HS3ST3A1: variants seen among roughly 807,000 people sequenced by gnomAD.
HS3ST3A1 encodes the protein heparan sulfate-glucosamine 3-sulfotransferase 3A1, also known as heparan sulfate glucosamine 3-O-sulfotransferase 3A1.
Under a neutral mutation model 25.7 loss-of-function variants are expected in HS3ST3A1, and 19 were observed. That is an observed-to-expected ratio of 0.74 (90% CI 0.52 to 1.08). The LOEUF (loss-of-function observed/expected upper bound fraction) is 1.08. Among genes scored for constraint, HS3ST3A1 ranks in the 50% least tolerant of loss-of-function variants. The probability of loss-of-function intolerance (pLI) is 0.00; values close to 1 mark genes in which losing one functional copy is unlikely to be tolerated. For missense variants in HS3ST3A1, 459 were observed against 594.3 expected (o/e 0.77, Z 2.37); for synonymous variants, 226 against 278.6 (o/e 0.81, Z 1.88).
intron 1 of HS3ST3A1, among the ~76,000 whole-genome samples, chr17:13,541,173 C>T (rs1359162815): frequency 6.6e-6 from 1 of 152,100 alleles, no homozygotes. Context: ...TTCCTATCTC[C>T]TCTGCTAAAG....
At chr17:13,496,857 A>T (rs1905301140) in intron 1 of HS3ST3A1, 39 bp from the exon 2 acceptor site, 1 of 1,593,016 alleles carries the variant, frequency 6.3e-7, no homozygotes, top group Non-Finnish European at 8.6e-7. Flanking sequence ...ATGTGCAGAG[A>T]GAGCTCAGTC....
At chr17:13,564,689 C>T (rs909998647) in intron 1 of HS3ST3A1, among the ~76,000 whole-genome samples, 8 of 150,512 alleles carry the variant, frequency 5.3e-5, no homozygotes, top group Admixed American at 1.3e-4. Flanking sequence ...TGTGGAATGT[C>T]CCCTGTGCTT....
intron 1 of HS3ST3A1, among the ~76,000 whole-genome samples, chr17:13,539,283 A>C (rs1023295479): frequency 1.3e-5 from 2 of 152,244 alleles, no homozygotes; most frequent in Non-Finnish European, 2.9e-5. Flanking sequence ...CTCAAATCCA[A>C]GTGGAGTGAA....
chr17:13,531,202 G>A (rs889945852), intron 1 of HS3ST3A1, among the ~76,000 whole-genome samples: 2 of 152,202 alleles, frequency 1.3e-5, no homozygotes, highest in Non-Finnish European at 2.9e-5. Flanking sequence ...GGTTGACTTT[G>A]CTCAAAGAAT....
At chr17:13,519,653 C>T (rs746298010) in intron 1 of HS3ST3A1, among the ~76,000 whole-genome samples, 23 of 152,026 alleles carry the variant, frequency 1.5e-4, no homozygotes, top group Non-Finnish European at 2.8e-4. Context: ...CCTAATTTGG[C>T]CTTTCAGATT....
At chr17:13,581,165 GACTTA>G (rs1476059742) in intron 1 of HS3ST3A1, among the ~76,000 whole-genome samples, 2 of 152,142 alleles carry the variant, frequency 1.3e-5, no homozygotes, top group Non-Finnish European at 2.9e-5. Flanking sequence ...CAGCAGAACT[GACTTA>G]ACTTATATGT....
chr17:13,577,293 G>C (rs1907969049), intron 1 of HS3ST3A1, among the ~76,000 whole-genome samples: 1 of 152,142 alleles, frequency 6.6e-6, no homozygotes, highest in Non-Finnish European at 1.5e-5. Context: ...ATGGAACTAA[G>C]GTTTCTTCAC....
At chr17:13,566,618 T>C (rs778927226) in intron 1 of HS3ST3A1, among the ~76,000 whole-genome samples, 39 of 152,124 alleles carry the variant, frequency 2.6e-4, no homozygotes, top group Non-Finnish European at 5.4e-4. Flanking sequence ...GAAAAGTTCT[T>C]AAAGGAAACA....
chr17:13,496,629 G>A lies in HS3ST3A1; in HGVS notation c.789C>T (p.Ile263=). Residue 263 remains isoleucine, a synonymous_variant, in exon 2 of 2, where the codon ATC becomes ATT. Coordinates refer to ENST00000284110, the MANE Select transcript of HS3ST3A1 (RefSeq NM_006042.3). ...YTQTLSKRPD[I]PTFESLTFKN... is the part of the protein sequence containing the mutation. ...TGAACGTCAAGCTCTCGAAGGTGGG[G>A]ATGTCGGGCCGCTTGGACAGCGTCT... 1 of 1,612,776 alleles carries A rather than the reference G, an allele frequency of 6.2e-7. No individual in the cohort carries two copies. Among genetic ancestry groups the A allele is most frequent in the Non-Finnish European group, 8.5e-7 (1 of 1,179,482 alleles).
chr17:13,535,817 G>C (rs1906755719), intron 1 of HS3ST3A1, among the ~76,000 whole-genome samples: 1 of 152,112 alleles, frequency 6.6e-6, no homozygotes, highest in Non-Finnish European at 1.5e-5. Context: ...TGGCAAGTTG[G>C]TATCAAATGG....
Position 13,600,905 on chromosome 17 carries a change from C to T in HS3ST3A1, c.225G>A (p.Pro75=), listed in dbSNP as rs995810277. 6.6e-7 allele frequency: 1 copy of T among 1,515,706 alleles called. No homozygotes were observed. Among genetic ancestry groups the T allele is most frequent in the Non-Finnish European group, 8.8e-7 (1 of 1,134,522 alleles). 93.9% of individuals were successfully genotyped at this position (1,515,706 alleles called of 1,614,324 possible). ...APGGGVLAGG[P]RELAVWPAAA... ...CCGCCGGCCACACCGCCAGCTCCCT[C>T]GGGCCTCCGGCCAGGACGCCGCCAC... Residue 75 remains proline (P), a synonymous_variant, in exon 1 of 2, where the codon CCG becomes CCA. Transcript: ENST00000284110.
intron 1 of HS3ST3A1, among the ~76,000 whole-genome samples, chr17:13,532,269 C>T (rs1906627384): frequency 6.6e-6 from 1 of 152,162 alleles, no homozygotes; most frequent in Admixed American, 6.5e-5. Context: ...GTTCCTTTAC[C>T]ATTGCATTTG....
At chr17:13,520,529 A>T (rs12602763) in intron 1 of HS3ST3A1, among the ~76,000 whole-genome samples, 66,156 of 152,090 alleles carry the variant, frequency 0.43, 14,663 homozygotes, top group African/African-American at 0.53. Context: ...TCTGAAATAT[A>T]TCCCAACCAG....
intron 1 of HS3ST3A1, among the ~76,000 whole-genome samples, chr17:13,521,659 T>C (rs1450450154): frequency 2.0e-5 from 3 of 152,210 alleles, no homozygotes; most frequent in Non-Finnish European, 4.4e-5. Flanking sequence ...TCAAGCACTA[T>C]AATAGGAAAG....
intron 1 of HS3ST3A1, among the ~76,000 whole-genome samples, chr17:13,554,928 T>C (rs1907332557): frequency 6.6e-6 from 1 of 152,120 alleles, no homozygotes; most frequent in East Asian, 1.9e-4. Flanking sequence ...TATTCCACCC[T>C]ATGTCCTGGT....
At chr17:13,517,679 T>A (rs1459332462) in intron 1 of HS3ST3A1, among the ~76,000 whole-genome samples, 1 of 151,980 alleles carries the variant, frequency 6.6e-6, no homozygotes, top group Admixed American at 6.6e-5. Context: ...TGAGAGGGAG[T>A]CTCACTCTGT....
intron 1 of HS3ST3A1, among the ~76,000 whole-genome samples, chr17:13,574,766 C>A (rs200888857): frequency 0.078 from 4,069 of 52,022 alleles, 173 homozygotes; most frequent in African/African-American, 0.22. Flanking sequence ...ACACAAAAAA[C>A]ACACAAAAAA....
At chr17:13,590,737 A>C (rs1908401191) in intron 1 of HS3ST3A1, among the ~76,000 whole-genome samples, 1 of 152,226 alleles carries the variant, frequency 6.6e-6, no homozygotes, top group Admixed American at 6.5e-5. Flanking sequence ...AATAACAATA[A>C]TAATGAAGAT....
intron 1 of HS3ST3A1, among the ~76,000 whole-genome samples, chr17:13,594,664 C>A (rs540547155): frequency 1.4e-4 from 21 of 150,910 alleles, no homozygotes; most frequent in African/African-American, 5.1e-4. Flanking sequence ...AATATAAATC[C>A]CCTAATCATT....
Sources: gnomAD v4.1 joint callset for allele counts (sites outside exome capture counted in the v4.1 genomes callset) on GRCh38, gnomAD v4.1.1 for gene constraint, MANE v1.5 for transcripts, NCBI Gene and HGNC (gene_info 2026-07-23, HGNC 2026-07-21) for gene names.